Variants in TARBP1 observed in about 807,000 individuals in gnomAD.
TARBP1 encodes tRNA (guanosine(18)-2'-O)-methyltransferase TARBP1.
Under a neutral mutation model 178.6 loss-of-function variants are expected in TARBP1, and 144 were observed. The observed-to-expected ratio is 0.81, with a 90% CI of 0.70 to 0.93. TARBP1 has a LOEUF of 0.93. Ranked by LOEUF, TARBP1 falls within the 40% of genes least tolerant of loss-of-function variation. The probability of loss-of-function intolerance (pLI) is 0.00; values close to 1 mark genes in which losing one functional copy is unlikely to be tolerated. For synonymous variants in TARBP1, 787 were observed against 781.0 expected, an observed-to-expected ratio of 1.01 and a Z score of -0.13; for missense variants, 2,067 against 2,011.7, an observed-to-expected ratio of 1.03 and a Z score of -0.53.
chr1:234,475,740 G>A (rs1193912107), intron 1 of TARBP1, among the ~76,000 whole-genome samples: 1 of 152,262 alleles, frequency 6.6e-6, no homozygotes, highest in Non-Finnish European at 1.5e-5. Context: ...CAGGGAACAA[G>A]CATCAGCAGT....
intron 23 of TARBP1, chr1:234,407,232 T>A (rs1003397758): frequency 1.3e-5 from 2 of 152,210 alleles, no homozygotes; most frequent in African/African-American, 4.8e-5. Flanking sequence ...GGAAGTCACT[T>A]GTGCAGCCCA....
intron 9 of TARBP1, among the ~76,000 whole-genome samples, chr1:234,456,104 C>T (rs532390309): frequency 3.3e-4 from 50 of 152,312 alleles, no homozygotes; most frequent in African/African-American, 1.2e-3. Context: ...CAATCTGTAT[C>T]AGGAACCTTA....
chr1:234,425,621 G>A, intron 20 of TARBP1, 52 bp downstream of exon 20: 1 of 1,551,814 alleles, frequency 6.4e-7, no homozygotes, highest in South Asian at 1.2e-5. Flanking sequence ...AAGAGCAAAT[G>A]TTGACCTCTG....
intron 25 of TARBP1, chr1:234,400,710 A>G (rs1660596108): frequency 6.6e-6 from 1 of 152,330 alleles, no homozygotes; most frequent in African/African-American, 2.4e-5. Flanking sequence ...AAATTATATA[A>G]GCACATTTTG....
intron 7 of TARBP1, among the ~76,000 whole-genome samples, chr1:234,459,668 C>T (rs940309532): frequency 6.6e-6 from 1 of 151,968 alleles, no homozygotes; most frequent in African/African-American, 2.4e-5. Context: ...AAAAATCAGT[C>T]GAGAGTAATG....
chr1:234,467,437 C>T (rs756408799), intron 4 of TARBP1, 65 bp downstream of exon 4: 9 of 1,380,658 alleles, frequency 6.5e-6, no homozygotes, highest in South Asian at 3.3e-5. Context: ...GATACAGAAT[C>T]CTAGTGTATT....
At chr1:234,463,765 TA>T in intron 6 of TARBP1, 71 bp downstream of exon 6, 1 of 802,294 alleles carries the variant, frequency 1.2e-6, no homozygotes, top group Non-Finnish European at 1.9e-6. Context: ...ATGGTGCTTA[TA>T]ACCAATTTGC....
chr1:234,410,322 G>A (rs1027974131), intron 23 of TARBP1, 123 bp downstream of exon 23: 1 of 582,064 alleles, frequency 1.7e-6, no homozygotes, highest in Admixed American at 3.4e-5. Context: ...CATTAGCAGG[G>A]CAGTGGAAAG....
chr1:234,399,869 A>G (rs886860931), intron 25 of TARBP1, among the ~76,000 whole-genome samples: 2 of 108,998 alleles, frequency 1.8e-5, no homozygotes, highest in Non-Finnish European at 3.5e-5. Flanking sequence ...GGAACATTAC[A>G]CTCTGGGGAC....
chr1:234,478,271 G>GCGT lies in TARBP1; in HGVS notation c.830_832dup (p.Asp277dup). On this transcript the variant is annotated inframe_insertion, in exon 1 of 30. Transcript: ENST00000040877. The stretch of plus-strand genomic sequence containing the variant: ...GTAGCGCGCTCGCTTGCGCGTCAGG[G>GCGT]CGTCCGCCTGGCCCAGCCCCGCCTG... 6.3e-7 allele frequency: 1 copy of GCGT among 1,593,634 alleles called. No individual in the cohort carries two copies.
rs541667893 is a variant in TARBP1 at position 234,455,859 on chromosome 1, C to A, written c.1722+1808G>T. On this transcript the variant is annotated intron_variant, in intron 9 of 29. Transcript: ENST00000040877. ...AAATCAAGTAAAAAAGAAAAAAAAA[C>A]CACTAAAATCCCAAAACAAAATGGG... Among the ~76,000 whole-genome samples, 6 of 151,330 alleles carry A rather than the reference C, an allele frequency of 4.0e-5. No individual in the cohort carries two copies. The East Asian group carries it at 5.8e-4, about 15-fold the overall frequency.
intron 12 of TARBP1, among the ~76,000 whole-genome samples, chr1:234,442,196 G>A (rs1037929061): frequency 1.1e-4 from 16 of 152,108 alleles, no homozygotes; most frequent in African/African-American, 3.6e-4. Flanking sequence ...GTTCTCAGTC[G>A]TAATACCTAC....
At chr1:234,393,570 C>T (rs1236714794) in intron 27 of TARBP1, 76 bp downstream of exon 27, 10 of 1,575,660 alleles carry the variant, frequency 6.3e-6, no homozygotes, top group South Asian at 2.3e-5. Flanking sequence ...TTGAAGCTCC[C>T]GTGGCAGTGG....
At position 234,406,075 on chromosome 1, in the gene TARBP1, T is replaced by C. The variant is rs753157605; in HGVS notation, c.3817A>G (p.Ile1273Val). The change falls in exon 24 of 30, where the codon ATA becomes GTA. Residue 1273 changes from isoleucine (I) to valine (V), a missense_variant. By Grantham distance (29) the Ile-to-Val change is conservative (BLOSUM62 3). Coordinates refer to ENST00000040877, the MANE Select transcript of TARBP1 (RefSeq NM_005646.4). ...EKKLILKQAL[I>V]VVLQWCFNHN... ...TTGAAACACCACTGCAGCACAACTA[T>C]AAGGGCTTGCTTCAGAATTAGTTTC... The C allele has an allele frequency of 6.2e-7, 1 of 1,613,910 alleles. No individual in the cohort carries two copies. The highest frequency in any genetic ancestry group is 8.5e-7 in the Non-Finnish European group (1 of 1,179,966).
rs1199811412 is a variant in TARBP1, at chr1:234,429,164, T to C, written c.3032A>G (p.Lys1011Arg). 1 of 1,585,794 alleles carries C rather than the reference T, an allele frequency of 6.3e-7. No individual in the cohort carries two copies. Among genetic ancestry groups the C allele is most frequent in the South Asian group, 1.2e-5 (1 of 85,114 alleles). Reference sequence around the variant, plus strand: ...TTTTATTTTGAAATATGCCTGGCCCTTGATTTTGGCAGCAATGGTAAGAAC... The same window carrying C: ...TTTTATTTTGAAATATGCCTGGCCCCTGATTTTGGCAGCAATGGTAAGAAC... Reference protein sequence around the residue: ...NKVLTIAAKIKGQAYFKIKEI... With the variant: ...NKVLTIAAKIRGQAYFKIKEI... Residue 1011 changes from lysine to arginine, a missense_variant, in exon 17 of 30, where the codon AAG (lysine) becomes AGG (arginine). Lys to Arg is a conservative substitution (Grantham distance 26, BLOSUM62 2). Transcript: ENST00000040877.
intron 22 of TARBP1, among the ~76,000 whole-genome samples, chr1:234,411,953 C>A (rs1052328909): frequency 6.6e-6 from 1 of 152,174 alleles, no homozygotes; most frequent in Admixed American, 6.6e-5. Context: ...TTAACAGTTA[C>A]TGAATGTCTT....
At chr1:234,446,535 C>T (rs2203168) in intron 12 of TARBP1, among the ~76,000 whole-genome samples, 45,509 of 151,444 alleles carry the variant, frequency 0.3, 7,057 homozygotes, top group Admixed American at 0.41. Context: ...AACCAACACA[C>T]GGAAACCACT....
At position 234,478,643 on chromosome 1, in the gene TARBP1, C is replaced by A. The variant is rs1325314066; in HGVS notation, c.461G>T (p.Arg154Leu). 7.8e-7 allele frequency: 1 copy of A among 1,285,506 alleles called. No individual in the cohort carries two copies. The highest frequency in any genetic ancestry group is 2.2e-5 in the South Asian group (1 of 45,928). 79.6% of individuals were successfully genotyped at this position (1,285,506 alleles called of 1,614,324 possible). The part of the protein sequence containing the change: ...LAAVGPCLRP[R>L]EDGPLLERVA... ...GCGCTCCAGTAGCGGCCCGTCCTCG[C>A]GGGGCCGCAAACATGGCCCGACGGC... Residue 154 changes from arginine (R) to leucine (L), a missense_variant, in exon 1 of 30, where the codon CGC becomes CTC. By Grantham distance (102) the Arg-to-Leu change is moderately radical. Transcript: ENST00000040877.
In TARBP1 at chr1:234,448,473, C is replaced by A; in HGVS notation, c.1961+7G>T. ...TAGGCTTTCTTTTCAATTACAGAAA[C>A]AATTACCTATACTGAGTCTTCATTC... is the stretch of plus-strand genomic sequence containing the variant. On this transcript the variant is annotated splice_region_variant and intron_variant, in intron 11 of 29. Transcript: ENST00000040877. The A allele has an allele frequency of 6.2e-7, 1 of 1,609,116 alleles. No individual in the cohort carries two copies. Among genetic ancestry groups the A allele is most frequent in the Non-Finnish European group, 8.5e-7 (1 of 1,175,938 alleles).
Sources: gnomAD v4.1 joint callset for allele counts (sites outside exome capture counted in the v4.1 genomes callset) on GRCh38, gnomAD v4.1.1 for gene constraint, MANE v1.5 for transcripts, NCBI Gene and HGNC (gene_info 2026-07-23, HGNC 2026-07-21) for gene names.